PLEKHG5: variants seen among roughly 807,000 people sequenced by gnomAD.
PLEKHG5 encodes pleckstrin homology domain-containing family G member 5.
A neutral mutation model predicts 103.8 loss-of-function variants in PLEKHG5; 52 were observed. That is an observed-to-expected ratio of 0.50 (90% CI 0.40 to 0.63). The LOEUF is 0.63. PLEKHG5 is among the 30% of genes least tolerant of loss of function. The pLI is 0.00. For missense variants in PLEKHG5, 1,205 were observed against 1,347.6 expected (o/e 0.89, Z 1.66); for synonymous variants, 592 against 575.5 (o/e 1.03, Z -0.41).
intron 16 of PLEKHG5, 125 bp downstream of exon 16, chr1:6,470,111 A>G: frequency 1.9e-6 from 2 of 1,075,422 alleles, no homozygotes; most frequent in Admixed American, 4.1e-5. Context: ...ACTGTCATTC[A>G]CTATGACAAG....
chr1:6,505,586 C>G lies in PLEKHG5; in HGVS notation c.-164-9017G>C, dbSNP rs1323573702. 6.6e-6 allele frequency among the ~76,000 whole-genome samples: 1 copy of G among 152,186 alleles called. No homozygotes were observed. Among genetic ancestry groups the G allele is most frequent in the African/African-American group, 2.4e-5 (1 of 41,434 alleles). On this transcript the variant is annotated intron_variant, in intron 1 of 21. Coordinates refer to the PLEKHG5 transcript ENST00000377740. This position sits in a 1 kb window ranked among gnomAD's most constrained non-coding sequence, Gnocchi z 4.2. ...CTTCAGGGGCTTAAACTCCCTGTAC[C>G]TCTGTTTCCTCATCTGTAAAATGGG...
chr1:6,471,156 G>C, intron 12 of PLEKHG5, 56 bp from the exon 13 acceptor site: 1 of 1,403,702 alleles, frequency 7.1e-7, no homozygotes, highest in Non-Finnish European at 9.8e-7. Flanking sequence ...CTGCGGGCCG[G>C]CCCGCGCCAG....
chr1:6,475,075 CG>C lies in PLEKHG5; in HGVS notation c.273del (p.Ile91MetfsTer5). The C allele has an allele frequency of 6.2e-7, 1 of 1,610,470 alleles. No individual in the cohort carries two copies. The highest frequency in any genetic ancestry group is 8.5e-7 in the Non-Finnish European group (1 of 1,176,720). On this transcript the variant is annotated frameshift_variant, in exon 5 of 21. Transcript: ENST00000377728. LOFTEE classifies it high-confidence loss of function. ...AGTGACTTCTTCTTCATGGCTGGGA[CG>C]ATCTCTGTCTCAATGTCCACATTCA... is the stretch of plus-strand genomic sequence containing the variant. ...FDLNVDIETE[I>X]VPAMKKKSLG...
chr1:6,496,485 C>G (rs1475448466), upstream of PLEKHG5: 3 of 1,603,012 alleles, frequency 1.9e-6, no homozygotes, highest in African/African-American at 4.0e-5. Flanking sequence ...GCTCTCCAGC[C>G]TCCCTACCTT....
chr1:6,504,555 C>T (rs1400317729), intron 1 of PLEKHG5, among the ~76,000 whole-genome samples: 1 of 148,440 alleles, frequency 6.7e-6, no homozygotes, highest in African/African-American at 2.5e-5. Context: ...CAGCACTTCC[C>T]TTCTCTCTTT....
upstream of PLEKHG5, chr1:6,497,356 G>T: frequency 9.3e-7 from 1 of 1,080,738 alleles, no homozygotes; most frequent in Non-Finnish European, 1.2e-6. This position sits in a 1 kb window ranked among gnomAD's most constrained non-coding sequence, Gnocchi z 6.1. Flanking sequence ...GGGGGCGGGC[G>T]GCGGGCGGGG....
intron 1 of PLEKHG5, chr1:6,519,369 G>T: frequency 8.6e-7 from 1 of 1,157,218 alleles, no homozygotes; most frequent in Non-Finnish European, 1.3e-6. Context: ...AGCCCTCCAA[G>T]ACCTGCAAAG....
In PLEKHG5 at chr1:6,519,558, T is replaced by C. The variant is rs1349391173; in HGVS notation, c.-278A>G. On this transcript the variant is annotated 5_prime_UTR_variant, in exon 1 of 22. Coordinates refer to the PLEKHG5 transcript ENST00000377740. ...CACCCTGCCTGGACCTCCAGCCACA[T>C]GCCAATGCCACAGGCCTCTCTAATC... 4 of 1,396,954 alleles carry C rather than the reference T, an allele frequency of 2.9e-6. No homozygotes were observed. In the African/African-American group the frequency reaches 5.7e-5, roughly 20 times the overall value. The allele number at this position is 1,396,954 out of a possible 1,614,324, so 86.5% of individuals were successfully genotyped here. A position where few individuals can be genotyped will look rare whatever the true frequency, so the allele number is the denominator to read the frequency against.
intron 1 of PLEKHG5, among the ~76,000 whole-genome samples, chr1:6,518,283 A>G (rs1638681696): frequency 6.6e-6 from 1 of 150,778 alleles, no homozygotes; most frequent in African/African-American, 2.4e-5. Context: ...GTGCAGGGCC[A>G]GACGCGGTGG....
intron 12 of PLEKHG5, 188 bp downstream of exon 12, chr1:6,471,300 A>G (rs1289334288): frequency 3.9e-6 from 3 of 779,078 alleles, no homozygotes; most frequent in Non-Finnish European, 6.3e-6. Context: ...TCAGGGGTAG[A>G]TGGTCAGGTG....
chr1:6,508,990 G>A (rs76527312), intron 1 of PLEKHG5, among the ~76,000 whole-genome samples: 1,622 of 152,282 alleles, frequency 0.011, 24 homozygotes, highest in African/African-American at 0.037. Flanking sequence ...CACCTGTAGC[G>A]CCTCTCGAAG....
rs748442156 is a variant in PLEKHG5, at chr1:6,477,557, C to T, written c.15G>A (p.Gly5=). ...GTGGGGGAAGGTCGAAGCGGACATGCCCATCATAATGCATGGTGCTGTGGA... is the reference window on the plus strand; with the variant it reads ...GTGGGGGAAGGTCGAAGCGGACATGTCCATCATAATGCATGGTGCTGTGGA... MHYD[G]HVRFDLPPQG... is the part of the protein sequence containing the mutation. The change falls in exon 2 of 21, where the codon GGG becomes GGA. Residue 5 remains glycine (G), a synonymous_variant. Coordinates refer to ENST00000377728, the MANE Select transcript of PLEKHG5 (RefSeq NM_020631.6). The T allele has an allele frequency of 1.4e-5, 22 of 1,612,398 alleles. No individual in the cohort carries two copies. The highest frequency in any genetic ancestry group is 1.8e-5 in the Non-Finnish European group (21 of 1,179,986).
intron 1 of PLEKHG5, among the ~76,000 whole-genome samples, chr1:6,509,574 C>T (rs1030715494): frequency 6.6e-6 from 1 of 152,218 alleles, no homozygotes; most frequent in African/African-American, 2.4e-5. Flanking sequence ...GGCTCTGGGG[C>T]ACTTTTCCTG....
chr1:6,517,935 A>G (rs1039335677), intron 1 of PLEKHG5, among the ~76,000 whole-genome samples: 6 of 152,094 alleles, frequency 3.9e-5, no homozygotes, highest in African/African-American at 1.4e-4. Flanking sequence ...GGATATATAT[A>G]TACATATATT....
rs1385075515 is a variant in PLEKHG5 at position 6,469,318 on chromosome 1, C to T, written c.2049+17G>A. On this transcript the variant is annotated intron_variant, in intron 18 of 20. Coordinates refer to ENST00000377728, the MANE Select transcript of PLEKHG5 (RefSeq NM_020631.6). Reference sequence around the variant, plus strand: ...CCCTAATCTGCCTTGCCCACCCACTCACTACTCTGCACTCACCTGGGCATT... The same window carrying T: ...CCCTAATCTGCCTTGCCCACCCACTTACTACTCTGCACTCACCTGGGCATT... 2 of 1,613,030 alleles carry T rather than the reference C, an allele frequency of 1.2e-6. No homozygotes were observed. Among genetic ancestry groups the T allele is most frequent in the South Asian group, 2.2e-5 (2 of 91,048 alleles).
chr1:6,483,457 G>A (rs537677222), intron 1 of PLEKHG5, among the ~76,000 whole-genome samples: 5 of 152,256 alleles, frequency 3.3e-5, no homozygotes, highest in Admixed American at 2.6e-4. Flanking sequence ...AAAACAAAGT[G>A]CAAAAACTCC....
rs545959722 is a variant in PLEKHG5 at position 6,470,569 on chromosome 1, C to A, written c.1617G>T (p.Ala539=). 18 of 1,583,948 alleles carry A rather than the reference C, an allele frequency of 1.1e-5. No individual in the cohort carries two copies. The African/African-American group carries it at 2.0e-4, about 18-fold the overall frequency. ...AGGCGTCGATGCGGCTCACCACGGC[C>A]GCCAGCCGCTGCCGCTCCTGCCGCT... The part of the protein sequence containing the change: ...MRQRQERQRL[A]AVVSRIDAYE... Residue 539 remains alanine (A), a synonymous_variant, in exon 15 of 21, where the codon GCG becomes GCT. Transcript: ENST00000377728.
chr1:6,474,985 T>C, intron 5 of PLEKHG5, 62 bp downstream of exon 5: 1 of 1,021,680 alleles, frequency 9.8e-7, no homozygotes. Context: ...ACCCGGAGCC[T>C]GCAACATGGG....
rs767059510 is a variant in PLEKHG5, at chr1:6,486,219, C to T, written c.-88+5418G>A. Among the ~76,000 whole-genome samples, 1 of 152,052 alleles carries T rather than the reference C, an allele frequency of 6.6e-6. No homozygotes were observed. Among genetic ancestry groups the T allele is most frequent in the Admixed American group, 6.5e-5 (1 of 15,274 alleles). ...AGCAAGGGAGCTCTTAGAATACAGGCACCAGAAGGGGGAGGCCAGGATGGG... is the reference window on the plus strand; with the variant it reads ...AGCAAGGGAGCTCTTAGAATACAGGTACCAGAAGGGGGAGGCCAGGATGGG... On this transcript the variant is annotated intron_variant, in intron 1 of 20. Coordinates refer to ENST00000377728, the MANE Select transcript of PLEKHG5 (RefSeq NM_020631.6). The surrounding 1 kb of genome is among the most constrained non-coding windows in gnomAD (Gnocchi z 5.3).
Sources: allele counts gnomAD v4.1 joint callset (sites outside exome capture counted in the v4.1 genomes callset), GRCh38; gene constraint gnomAD v4.1.1; non-coding constraint Gnocchi (gnomAD v3.1); transcripts MANE v1.5; gene names NCBI Gene and HGNC (gene_info 2026-07-23, HGNC 2026-07-21).